The following RHOXF1 variants were observed in gnomAD, a reference collection of about 807,000 sequenced individuals.
The protein encoded by RHOXF1 is Rhox homeobox family member 1.
In RHOXF1, 1 loss-of-function variant was observed where a neutral mutation model predicts 9.7. That is an observed-to-expected ratio of 0.10 (90% CI 0.04 to 0.49). The LOEUF (loss-of-function observed/expected upper bound fraction) is 0.49. Ranked by LOEUF, RHOXF1 falls within the 20% of genes least tolerant of loss-of-function variation. The pLI, the probability that RHOXF1 is intolerant of heterozygous loss-of-function variation, is 0.95. For synonymous variants in RHOXF1, 72 were observed against 70.2 expected, an observed-to-expected ratio of 1.03 and a Z score of -0.13; for missense variants, 179 against 168.0, an observed-to-expected ratio of 1.07 and a Z score of -0.36.
chrX:120,117,420 T>C (rs1556000819), upstream of RHOXF1, among the ~76,000 whole-genome samples: 1 of 111,910 alleles, frequency 8.9e-6, no homozygotes, highest in Admixed American at 9.4e-5. Context: ...TGATGTTATA[T>C]ACTTTATTTT....
At position 120,112,433 on chromosome X, in the gene RHOXF1, ATATAT is replaced by A. The variant is rs1300028528; in HGVS notation, c.444+431_444+435del. ...CATATATGTATTATATATAATACAC[ATATAT>A]TATATATAATACACATATGTATAAT... is the stretch of plus-strand genomic sequence containing the variant. On this transcript the variant is annotated intron_variant, in intron 2 of 2. Transcript: ENST00000217999. 1.8e-4 allele frequency among the ~76,000 whole-genome samples: 5 copies of A among 27,919 alleles called. No homozygotes were observed. The South Asian group carries it at 7.4e-3, about 41-fold the overall frequency. The allele number at this position is 27,919 out of a possible 115,157, so 24.2% of individuals were successfully genotyped here.
In RHOXF1 at chrX:120,109,224, G is replaced by A. The variant is rs1555999416; in HGVS notation, c.523C>T (p.Pro175Ser). 8.4e-7 allele frequency: 1 copy of A among 1,195,777 alleles called. No homozygotes were observed. ...ACGACGATGTAGACACAGTCGTCTG[G>A]GTCAGCACGTAGTTCATTGGCGAGC... ...LMLANELRAD[P>S]DDCVYIVVD The change falls in exon 3 of 3, where the codon CCA (proline) becomes TCA (serine). Residue 175 changes from proline (P) to serine (S), a missense_variant. Pro to Ser is a moderately conservative substitution (Grantham distance 74). Coordinates refer to ENST00000217999, the MANE Select transcript of RHOXF1 (RefSeq NM_139282.3).
chrX:120,116,517 C>G (rs1489066903), upstream of RHOXF1: 1 of 110,828 alleles, frequency 9.0e-6, no homozygotes, highest in Non-Finnish European at 1.9e-5. Context: ...TGAGATCTCA[C>G]GGTGACCATA....
upstream of RHOXF1, chrX:120,115,948 T>C: frequency 1.1e-6 from 1 of 886,141 alleles, no homozygotes; most frequent in Non-Finnish European, 1.5e-6. Flanking sequence ...CCTGTTCTCA[T>C]GCTTGGTATT....
At chrX:120,112,122 A>G (rs1305416827) in intron 2 of RHOXF1, among the ~76,000 whole-genome samples, 2 of 111,271 alleles carry the variant, frequency 1.8e-5, no homozygotes, top group Admixed American at 1.9e-4. Flanking sequence ...CTAAGTATAC[A>G]TTATTTAGTC....
intron 1 of RHOXF1, among the ~76,000 whole-genome samples, chrX:120,115,013 A>C (rs1373410367): frequency 2.7e-5 from 3 of 112,159 alleles, no homozygotes; most frequent in African/African-American, 9.7e-5. Flanking sequence ...TACCTAGAGT[A>C]GTCAAAATCA....
At chrX:120,115,977 T>G, upstream of RHOXF1, 1 of 518,316 alleles carries the variant, frequency 1.9e-6, no homozygotes, top group Non-Finnish European at 2.5e-6. Flanking sequence ...TTGCAATGAG[T>G]GGGACTTGCT....
intron 2 of RHOXF1, among the ~76,000 whole-genome samples, chrX:120,112,467 TAATACA>T (rs2057271866): frequency 2.0e-3 from 110 of 54,504 alleles, no homozygotes; most frequent in African/African-American, 4.1e-3. Context: ...GTATAATATA[TAATACA>T]CATATATGTG....
chrX:120,112,437 A>G (rs56147337), intron 2 of RHOXF1, among the ~76,000 whole-genome samples: 36,188 of 80,102 alleles, frequency 0.45, 6,994 homozygotes, highest in Non-Finnish European at 0.59. Flanking sequence ...ATACACATAT[A>G]TTATATATAA....
At chrX:120,113,725 G>T (rs1368985930) in intron 1 of RHOXF1, among the ~76,000 whole-genome samples, 1 of 108,811 alleles carries the variant, frequency 9.2e-6, no homozygotes, top group African/African-American at 3.3e-5. Context: ...TCCCAAAAGC[G>T]CTGGAATTAC....
chrX:120,115,991 G>A, upstream of RHOXF1: 3 of 331,359 alleles, frequency 9.1e-6, no homozygotes, highest in Non-Finnish European at 1.2e-5. Context: ...ACTTGCTTAT[G>A]CGCACAAGCA....
At chrX:120,118,542 T>A (rs2057305509), upstream of RHOXF1, among the ~76,000 whole-genome samples, 1 of 112,313 alleles carries the variant, frequency 8.9e-6, no homozygotes, top group Non-Finnish European at 1.9e-5. Flanking sequence ...ACTGTTTTAT[T>A]CTTTTTCTTC....
chrX:120,116,005 G>GA (rs1166123282), upstream of RHOXF1: 1 of 235,223 alleles, frequency 4.3e-6, no homozygotes, highest in African/African-American at 6.5e-5. Context: ...ACAAGCAAGA[G>GA]AGGGAATGGA....
Position 120,109,206 on chromosome X carries a change from T to A in RHOXF1, c.541A>T (p.Ile181Phe). ...LRADPDDCVY[I>F]VVD Reference sequence around the variant, plus strand: ...GCATTCTAGGGCTAGTCCACGACGATGTAGACACAGTCGTCTGGGTCAGCA... The same window carrying A: ...GCATTCTAGGGCTAGTCCACGACGAAGTAGACACAGTCGTCTGGGTCAGCA... Residue 181 changes from isoleucine to phenylalanine, a missense_variant, in exon 3 of 3, where the codon ATC becomes TTC. Transcript: ENST00000217999. 1 of 1,185,038 alleles carries A rather than the reference T, an allele frequency of 8.4e-7. No individual in the cohort carries two copies. Among genetic ancestry groups the A allele is most frequent in the Non-Finnish European group, 1.1e-6 (1 of 873,841 alleles).
At chrX:120,112,773 T>G in intron 2 of RHOXF1, 96 bp downstream of exon 2, 1 of 532,080 alleles carries the variant, frequency 1.9e-6, no homozygotes, top group Non-Finnish European at 3.0e-6. Context: ...AACAACAACT[T>G]TAGAACGTTC....
chrX:120,109,513 C>A (rs1227018254), intron 2 of RHOXF1, among the ~76,000 whole-genome samples: 2 of 110,841 alleles, frequency 1.8e-5, no homozygotes, highest in Non-Finnish European at 3.8e-5. Flanking sequence ...TGTGCCAAGT[C>A]CTGGAATAAG....
intron 2 of RHOXF1, among the ~76,000 whole-genome samples, 191 bp from the exon 3 acceptor site, chrX:120,109,493 G>A (rs1555999471): frequency 9.0e-6 from 1 of 111,262 alleles, no homozygotes; most frequent in South Asian, 3.8e-4. Context: ...CCCTTAGTGA[G>A]GACCAGCTTT....
upstream of RHOXF1, chrX:120,119,516 C>G (rs2057308772): frequency 9.0e-6 from 1 of 111,712 alleles, no homozygotes; most frequent in Non-Finnish European, 1.9e-5. Flanking sequence ...TTTTCTGGTG[C>G]CCACATAGGG....
At chrX:120,115,980 G>A (rs6646573), upstream of RHOXF1, 95,653 of 528,816 alleles carry the variant, frequency 0.18, 7,626 homozygotes, top group South Asian at 0.46. Flanking sequence ...CAATGAGTGG[G>A]ACTTGCTTAT....
Sources: allele counts gnomAD v4.1 joint callset (sites outside exome capture counted in the v4.1 genomes callset), GRCh38; gene constraint gnomAD v4.1.1; transcripts MANE v1.5; gene names NCBI Gene and HGNC (gene_info 2026-07-23, HGNC 2026-07-21).